Variants in ABHD18 observed in about 807,000 individuals in gnomAD.
ABHD18 encodes cardiolipin-specific deacylase, mitochondrial.
In ABHD18, 55 loss-of-function variants were observed where a neutral mutation model predicts 65.9. The observed-to-expected ratio is 0.84, with a 90% CI of 0.67 to 1.05. ABHD18 has a LOEUF of 1.05. Ranked by LOEUF, ABHD18 falls within the 50% of genes least tolerant of loss-of-function variation. The probability of loss-of-function intolerance (pLI) is 0.00; values close to 1 mark genes in which losing one functional copy is unlikely to be tolerated. For missense variants in ABHD18, 533 were observed against 558.5 expected (o/e 0.95, Z 0.46); for synonymous variants, 181 against 180.2 (o/e 1.00, Z -0.04).
At chr4:127,990,616 T>G (rs1294794272) in intron 4 of ABHD18, among the ~76,000 whole-genome samples, 1 of 152,084 alleles carries the variant, frequency 6.6e-6, no homozygotes, top group Admixed American at 6.6e-5. Flanking sequence ...TGTGTTGATT[T>G]TATAATAGGA....
chr4:128,016,664 A>G lies in ABHD18; in HGVS notation c.471-699A>G, dbSNP rs149950058. On this transcript the variant is annotated intron_variant, in intron 7 of 12. Coordinates refer to ENST00000645843, the MANE Select transcript of ABHD18 (RefSeq NM_001358451.3). ...GTGGCTCACGCCTGTAATTCCACCT[A>G]CTCAGGAGACTGAGACAGGAGAATC... 2.6e-3 allele frequency among the ~76,000 whole-genome samples: 390 copies of G among 152,126 alleles called. 4 individuals are homozygous for G. The highest frequency in any genetic ancestry group is 9.2e-3 in the African/African-American group (380 of 41,520).
At chr4:127,966,865 A>G (rs1745651929) in intron 1 of ABHD18, among the ~76,000 whole-genome samples, 1 of 150,778 alleles carries the variant, frequency 6.6e-6, no homozygotes, top group African/African-American at 2.4e-5. Context: ...AGCCTGGGCA[A>G]CAGAGTGAGA....
intron 1 of ABHD18, among the ~76,000 whole-genome samples, chr4:127,973,973 T>C (rs1392312321): frequency 1.3e-5 from 2 of 151,988 alleles, no homozygotes; most frequent in East Asian, 3.9e-4. Context: ...GACACCTTGA[T>C]TGAAGCCAGA....
intron 4 of ABHD18, chr4:128,001,631 C>G: frequency 7.3e-7 from 1 of 1,376,164 alleles, no homozygotes; most frequent in Non-Finnish European, 9.8e-7. Context: ...CTTAGTTAAC[C>G]CCTTGCCTAC....
chr4:128,026,018 G>A (rs1349288770), intron 10 of ABHD18, among the ~76,000 whole-genome samples: 1 of 152,160 alleles, frequency 6.6e-6, no homozygotes, highest in African/African-American at 2.4e-5. Context: ...GCCGGGCATG[G>A]TGGCTCACGC....
At chr4:127,978,896 C>T (rs1271620917) in intron 1 of ABHD18, among the ~76,000 whole-genome samples, 2 of 152,126 alleles carry the variant, frequency 1.3e-5, no homozygotes, top group African/African-American at 4.8e-5. Context: ...CCAACGAACC[C>T]ACTGTAAAGT....
intron 4 of ABHD18, among the ~76,000 whole-genome samples, chr4:127,995,433 A>G (rs1036403899): frequency 2.0e-5 from 3 of 152,286 alleles, no homozygotes; most frequent in Admixed American, 2.0e-4. Context: ...CATGCTTACT[A>G]CTGATCTAGT....
chr4:127,974,210 T>G (rs924749553), intron 1 of ABHD18, among the ~76,000 whole-genome samples: 7 of 146,120 alleles, frequency 4.8e-5, no homozygotes, highest in African/African-American at 1.8e-4. Context: ...TTTTTTTTTT[T>G]TTTTTGAGAC....
At chr4:127,977,388 C>T (rs939143177) in intron 1 of ABHD18, among the ~76,000 whole-genome samples, 6 of 152,224 alleles carry the variant, frequency 3.9e-5, no homozygotes, top group African/African-American at 1.4e-4. Context: ...AGGAAAATGG[C>T]TTGAACCTGG....
In ABHD18 at chr4:127,973,876, A is replaced by C. The variant is rs140453219; in HGVS notation, c.-18+8270A>C. On this transcript the variant is annotated intron_variant, in intron 1 of 12. Transcript: ENST00000645843. ...GCTCATAGTCCCACAGCCACACACA[A>C]AAAAAATGAATTCTGCCTTCAACCT... is the stretch of plus-strand genomic sequence containing the variant. 1.6e-3 allele frequency among the ~76,000 whole-genome samples: 239 copies of C among 151,524 alleles called. 1 individual carries two copies. The highest frequency in any genetic ancestry group is 1.2e-3 in the Non-Finnish European group (82 of 67,890).
At chr4:127,984,053 A>G (rs572065202) in intron 2 of ABHD18, among the ~76,000 whole-genome samples, 42 of 152,064 alleles carry the variant, frequency 2.8e-4, no homozygotes, top group African/African-American at 7.9e-4. Flanking sequence ...GAAAAAAAAA[A>G]AAAGAAAGAA....
At chr4:127,986,710 A>G (rs1750022867) in intron 3 of ABHD18, among the ~76,000 whole-genome samples, 1 of 152,182 alleles carries the variant, frequency 6.6e-6, no homozygotes, top group Admixed American at 6.5e-5. Context: ...ATTTTGCCAT[A>G]CTCACCAACC....
intron 4 of ABHD18, among the ~76,000 whole-genome samples, chr4:128,004,867 G>A (rs183764792): frequency 2.0e-5 from 3 of 149,118 alleles, no homozygotes; most frequent in Non-Finnish European, 3.0e-5. Flanking sequence ...CTGAGATTGC[G>A]CCATTGCACT....
At chr4:127,985,380 T>C (rs1027969818) in intron 3 of ABHD18, among the ~76,000 whole-genome samples, 2 of 143,756 alleles carry the variant, frequency 1.4e-5, no homozygotes, top group African/African-American at 3.0e-5. Flanking sequence ...TTGCATCTCA[T>C]ATGTTTTGGA....
In ABHD18 at chr4:128,009,122, C is replaced by A. The variant is rs773100732; in HGVS notation, c.373C>A (p.Arg125=). 2.5e-6 allele frequency: 4 copies of A among 1,571,648 alleles called. No individual in the cohort carries two copies. The South Asian group carries it at 3.7e-5, about 15-fold the overall frequency. ...CTTTCCTTAGCATTACTGGAGGCGA[C>A]GAACACTAATGGCCCGTCCTATGAT... ...GTGDHHYWRR[R]TLMARPMIKE... The change falls in exon 6 of 13, where the codon CGA becomes AGA. Residue 125 remains arginine (R), a synonymous_variant. Coordinates refer to ENST00000645843, the MANE Select transcript of ABHD18 (RefSeq NM_001358451.3).
chr4:127,992,999 GC>G (rs772183585), intron 4 of ABHD18, among the ~76,000 whole-genome samples: 3 of 152,090 alleles, frequency 2.0e-5, no homozygotes, highest in Non-Finnish European at 2.9e-5. Context: ...ACTGAGGATT[GC>G]CTGATCGAGG....
At chr4:127,972,490 C>G (rs1038157998) in intron 1 of ABHD18, among the ~76,000 whole-genome samples, 3 of 150,248 alleles carry the variant, frequency 2.0e-5, no homozygotes, top group Non-Finnish European at 4.4e-5. Context: ...AACTTCATGC[C>G]AGGAGCTGAG....
intron 4 of ABHD18, among the ~76,000 whole-genome samples, chr4:127,991,617 T>A (rs1750940679): frequency 6.6e-6 from 1 of 152,190 alleles, no homozygotes; most frequent in Non-Finnish European, 1.5e-5. Context: ...CTAATTTTAT[T>A]TAAAAAGAAC....
intron 7 of ABHD18, among the ~76,000 whole-genome samples, chr4:128,013,823 A>T (rs1045308560): frequency 2.0e-5 from 3 of 152,144 alleles, no homozygotes; most frequent in Admixed American, 2.0e-4. Context: ...CCCATGTTCT[A>T]TGTGGTCATA....
Sources: allele counts gnomAD v4.1 joint callset (sites outside exome capture counted in the v4.1 genomes callset), GRCh38; gene constraint gnomAD v4.1.1; transcripts MANE v1.5; gene names NCBI Gene and HGNC (gene_info 2026-07-23, HGNC 2026-07-21).